Variants in TAS2R1 observed in about 807,000 individuals in gnomAD.
TAS2R1 encodes taste 2 receptor member 1.
For missense variants in TAS2R1, 370 were observed against 353.4 expected (o/e 1.05, Z -0.38); for synonymous variants, 141 against 134.2 (o/e 1.05, Z -0.35).
At chr5:9,839,238 A>T in the TAS2R1 span, among the ~76,000 whole-genome samples, 12 of 152,230 alleles carry the variant, frequency 7.9e-5, no homozygotes, top group Non-Finnish European at 1.5e-4. Flanking sequence ...GTGGGAAAGC[A>T]GCACAGACAC....
At chr5:9,704,134 T>G (rs1426866730) in intron 1 of TAS2R1, among the ~76,000 whole-genome samples, 1 of 152,172 alleles carries the variant, frequency 6.6e-6, no homozygotes, top group Non-Finnish European at 1.5e-5. Context: ...AGAACTGAGG[T>G]GCAGCGATTC....
At chr5:9,800,236 C>T in the TAS2R1 span, among the ~76,000 whole-genome samples, 2 of 152,192 alleles carry the variant, frequency 1.3e-5, no homozygotes, top group Non-Finnish European at 2.9e-5. Flanking sequence ...GACAAAATTA[C>T]GCAGCCCAAT....
rs938070952 is a variant in TAS2R1, at chr5:9,628,011, G to T, written c.*1122C>A. Among the ~76,000 whole-genome samples, 1 of 152,072 alleles carries T rather than the reference G, an allele frequency of 6.6e-6. No homozygotes were observed. Among genetic ancestry groups the T allele is most frequent in the African/African-American group, 2.4e-5 (1 of 41,406 alleles). On this transcript the variant is annotated 3_prime_UTR_variant, in exon 1 of 1. Transcript: ENST00000382492. ...ACCTAAACCTGCTTTGCATCATCAC[G>T]CCTGAACTACAAGTTACCGCTGAGC...
chr5:9,869,590 C>A, the TAS2R1 span, among the ~76,000 whole-genome samples: 1 of 152,232 alleles, frequency 6.6e-6, no homozygotes, highest in Admixed American at 6.5e-5. Context: ...ATGTGATCAG[C>A]CCCCAATAAA....
chr5:9,756,231 T>A, the TAS2R1 span, among the ~76,000 whole-genome samples: 1 of 152,202 alleles, frequency 6.6e-6, no homozygotes, highest in Non-Finnish European at 1.5e-5. Flanking sequence ...TGCTGGCCTG[T>A]ACCTTACGCG....
chr5:9,828,707 A>T, the TAS2R1 span, among the ~76,000 whole-genome samples: 1 of 152,210 alleles, frequency 6.6e-6, no homozygotes, highest in African/African-American at 2.4e-5. Flanking sequence ...TCATGTAGAG[A>T]TAAGTGGGAG....
rs916569295 is a variant in TAS2R1, at chr5:9,638,710, C to A, written c.-80-8718G>T. On this transcript the variant is annotated intron_variant, in intron 2 of 2. Coordinates refer to the TAS2R1 transcript ENST00000506620. ...AAGAATTTCTATGTCTTGAGTTTGG[C>A]TACCAGGGAAGGTAGGGAAATACCA... 2.0e-5 allele frequency among the ~76,000 whole-genome samples: 3 copies of A among 152,246 alleles called. No individual in the cohort carries two copies. In the South Asian group the frequency reaches 6.2e-4, roughly 32 times the overall value.
At chr5:9,813,081 A>C in the TAS2R1 span, among the ~76,000 whole-genome samples, 2 of 152,318 alleles carry the variant, frequency 1.3e-5, no homozygotes, top group South Asian at 4.1e-4. Flanking sequence ...TCAAGTTAAA[A>C]TGAGGTCATT....
chr5:9,826,965 C>T, the TAS2R1 span, among the ~76,000 whole-genome samples: 2 of 152,158 alleles, frequency 1.3e-5, no homozygotes, highest in Non-Finnish European at 2.9e-5. Context: ...ACTACACACC[C>T]TCCCAGGACA....
At chr5:9,690,859 G>A (rs1032166469) in intron 1 of TAS2R1, among the ~76,000 whole-genome samples, 2 of 152,010 alleles carry the variant, frequency 1.3e-5, no homozygotes, top group Non-Finnish European at 1.5e-5. Context: ...TAGAAGAGAG[G>A]TCATTAAAAA....
intron 1 of TAS2R1, among the ~76,000 whole-genome samples, chr5:9,666,852 C>A (rs1387081394): frequency 6.6e-6 from 1 of 152,032 alleles, no homozygotes; most frequent in Non-Finnish European, 1.5e-5. Context: ...CCAAGTGTAT[C>A]CCACCTAAAA....
At chr5:9,858,757 G>C in the TAS2R1 span, among the ~76,000 whole-genome samples, 1 of 152,170 alleles carries the variant, frequency 6.6e-6, no homozygotes, top group Non-Finnish European at 1.5e-5. Context: ...TTGTTACAGG[G>C]GTGCTTTCTT....
the TAS2R1 span, among the ~76,000 whole-genome samples, chr5:9,816,090 G>T: frequency 6.6e-6 from 1 of 152,034 alleles, no homozygotes; most frequent in Admixed American, 6.6e-5. Flanking sequence ...CCTCTCTCAA[G>T]GATTATATGT....
In TAS2R1 at chr5:9,629,889, A is replaced by C; in HGVS notation, c.144T>G (p.Leu48=). 1 of 1,613,590 alleles carries C rather than the reference A, an allele frequency of 6.2e-7. No individual in the cohort carries two copies. Among genetic ancestry groups the C allele is most frequent in the Non-Finnish European group, 8.5e-7 (1 of 1,179,640 alleles). Reference sequence around the variant, plus strand: ...AAATTCTAGAAACTGCCAGACAAGAAAGAAGGAGATCCAGCGGAGCCATTT... The same window carrying C: ...AAATTCTAGAAACTGCCAGACAAGACAGAAGGAGATCCAGCGGAGCCATTT... The part of the protein sequence containing the change: ...HRKMAPLDLL[L]SCLAVSRIFL... Residue 48 remains leucine (L), a synonymous_variant, in exon 1 of 1, where the codon CTT becomes CTG. Transcript: ENST00000382492.
At chr5:9,780,690 T>TGTGC in the TAS2R1 span, among the ~76,000 whole-genome samples, 1,190 of 151,986 alleles carry the variant, frequency 7.8e-3, 7 homozygotes, top group African/African-American at 0.018. Context: ...TGTGTGTGTG[T>TGTGC]GCGCGCGCGC....
chr5:9,828,201 C>T, the TAS2R1 span, among the ~76,000 whole-genome samples: 2 of 152,312 alleles, frequency 1.3e-5, no homozygotes, highest in South Asian at 4.1e-4. Flanking sequence ...TCTCAGCTCA[C>T]TGCAACCTCT....
chr5:9,784,659 A>C, the TAS2R1 span, among the ~76,000 whole-genome samples: 12 of 152,342 alleles, frequency 7.9e-5, no homozygotes, highest in Admixed American at 4.6e-4. Flanking sequence ...CTGAAAGTCC[A>C]AAATCAGGGT....
intron 1 of TAS2R1, among the ~76,000 whole-genome samples, chr5:9,671,794 T>A (rs1015839462): frequency 3.9e-5 from 6 of 152,064 alleles, no homozygotes; most frequent in Admixed American, 2.0e-4. Flanking sequence ...AAAACTATTT[T>A]AAAATTCATA....
the TAS2R1 span, among the ~76,000 whole-genome samples, chr5:9,858,192 G>A: frequency 6.6e-6 from 1 of 152,086 alleles, no homozygotes; most frequent in African/African-American, 2.4e-5. Flanking sequence ...TGAAGACTGA[G>A]TCTGCCAGGC....
Sources: allele counts gnomAD v4.1 joint callset (sites outside exome capture counted in the v4.1 genomes callset), GRCh38; gene constraint gnomAD v4.1.1; transcripts MANE v1.5; gene names NCBI Gene and HGNC (gene_info 2026-07-23, HGNC 2026-07-21).